The following MAML2 variants were observed in gnomAD, a reference collection of about 807,000 sequenced individuals.
MAML2 encodes mastermind like transcriptional coactivator 2, also known as mastermind-like protein 2.
MAML2 carries 22 observed loss-of-function variants against 96.1 expected under a neutral mutation model. That is an observed-to-expected ratio of 0.23 (90% CI 0.16 to 0.33). The LOEUF (loss-of-function observed/expected upper bound fraction) is 0.33. MAML2 is among the 10% of genes least tolerant of loss of function. MAML2 has a pLI of 1.00. For synonymous variants in MAML2, 561 were observed against 521.3 expected, an observed-to-expected ratio of 1.08 and a Z score of -1.04; for missense variants, 1,367 against 1,392.4, an observed-to-expected ratio of 0.98 and a Z score of 0.29.
At chr11:96,164,173 G>A (rs1274385995) in intron 1 of MAML2, among the ~76,000 whole-genome samples, 2 of 152,104 alleles carry the variant, frequency 1.3e-5, no homozygotes, top group African/African-American at 4.8e-5. Context: ...ACCGTGCCCA[G>A]CCAATACTGC....
At chr11:96,130,856 T>C (rs1246526179) in intron 1 of MAML2, among the ~76,000 whole-genome samples, 1 of 152,116 alleles carries the variant, frequency 6.6e-6, no homozygotes, top group Non-Finnish European at 1.5e-5. Context: ...TTCTACCCTT[T>C]GTCCTACACC....
chr11:96,176,373 C>T (rs373043498), intron 1 of MAML2, among the ~76,000 whole-genome samples: 90 of 152,172 alleles, frequency 5.9e-4, no homozygotes, highest in South Asian at 3.9e-3. Flanking sequence ...CTATATTATG[C>T]GATTTATATA....
At chr11:96,182,567 TTAGC>T (rs1487638671) in intron 1 of MAML2, among the ~76,000 whole-genome samples, 100 of 152,286 alleles carry the variant, frequency 6.6e-4, no homozygotes, top group African/African-American at 1.9e-3. Flanking sequence ...TCAACAAACA[TTAGC>T]TAAGCACAGA....
intron 2 of MAML2, among the ~76,000 whole-genome samples, chr11:96,004,125 T>C (rs926988559): frequency 3.9e-5 from 6 of 152,206 alleles, no homozygotes; most frequent in Non-Finnish European, 8.8e-5. Flanking sequence ...CAAAAGGATA[T>C]ACATTAGAAA....
intron 3 of MAML2, among the ~76,000 whole-genome samples, chr11:95,988,432 A>AT (rs988619229): frequency 1.0e-4 from 15 of 150,006 alleles, no homozygotes; most frequent in African/African-American, 3.7e-4. Context: ...CTAATTTTGT[A>AT]TTTTTTTAGT....
chr11:95,991,919 G>A (rs79453425), intron 2 of MAML2, among the ~76,000 whole-genome samples, 196 bp from the exon 3 acceptor site: 7,220 of 152,204 alleles, frequency 0.047, 244 homozygotes, highest in Non-Finnish European at 0.07. Flanking sequence ...AAAGCAGCTG[G>A]GTTAATGACA....
At chr11:95,985,434 A>C (rs900097662) in intron 4 of MAML2, 97 bp downstream of exon 4, 2 of 680,518 alleles carry the variant, frequency 2.9e-6, no homozygotes, top group Non-Finnish European at 4.9e-6. Context: ...TCTAAGAAAG[A>C]TATTATAATC....
At chr11:96,122,529 TGC>T (rs1491068025) in intron 1 of MAML2, among the ~76,000 whole-genome samples, 1 of 142,188 alleles carries the variant, frequency 7.0e-6, no homozygotes, top group Non-Finnish European at 1.6e-5. Context: ...TGTGTGTGTG[TGC>T]ACGTGCACGT....
chr11:96,315,221 G>GTATT (rs10687906), intron 1 of MAML2, among the ~76,000 whole-genome samples: 68,235 of 151,582 alleles, frequency 0.45, 16,026 homozygotes, highest in African/African-American at 0.61. Context: ...GTGGGGAATG[G>GTATT]TATTGAAAAA....
intron 1 of MAML2, among the ~76,000 whole-genome samples, chr11:96,188,648 T>G (rs999053516): frequency 1.3e-5 from 2 of 152,112 alleles, no homozygotes; most frequent in African/African-American, 4.8e-5. Flanking sequence ...GTCAGTTTTT[T>G]TTTTTCCTTT....
chr11:95,981,761 A>T (rs973376986), intron 4 of MAML2, among the ~76,000 whole-genome samples: 5 of 152,216 alleles, frequency 3.3e-5, no homozygotes, highest in Non-Finnish European at 5.9e-5. Context: ...CAATGCCAGT[A>T]AGATTCAGCA....
chr11:96,105,670 A>T (rs1317395577), intron 1 of MAML2, among the ~76,000 whole-genome samples: 1 of 152,218 alleles, frequency 6.6e-6, no homozygotes, highest in Non-Finnish European at 1.5e-5. Context: ...ATCTAGGCTC[A>T]ATATAAAGTG....
intron 1 of MAML2, among the ~76,000 whole-genome samples, chr11:96,148,908 C>T (rs928539980): frequency 5.3e-5 from 8 of 152,288 alleles, no homozygotes; most frequent in East Asian, 1.9e-4. Context: ...GCTAGAAAGG[C>T]GTAAAACAGG....
intron 2 of MAML2, among the ~76,000 whole-genome samples, chr11:96,085,792 A>G (rs1157569902): frequency 1.4e-5 from 2 of 147,858 alleles, no homozygotes; most frequent in Admixed American, 6.7e-5. Context: ...CGTATGTATT[A>G]TGATCCCAAG....
At chr11:96,062,433 T>C (rs1859178294) in intron 2 of MAML2, among the ~76,000 whole-genome samples, 1 of 152,210 alleles carries the variant, frequency 6.6e-6, no homozygotes, top group Admixed American at 6.5e-5. Context: ...TACATAGGCA[T>C]CCAGCTGGAA....
chr11:96,220,795 T>G (rs1246609337), intron 1 of MAML2, among the ~76,000 whole-genome samples: 1 of 152,076 alleles, frequency 6.6e-6, no homozygotes, highest in African/African-American at 2.4e-5. Context: ...CTCTACTGGA[T>G]TTTTCAAAAT....
chr11:96,283,151 A>C (rs1863094426), intron 1 of MAML2, among the ~76,000 whole-genome samples: 1 of 152,210 alleles, frequency 6.6e-6, no homozygotes, highest in Non-Finnish European at 1.5e-5. Context: ...CAAGCCATAA[A>C]CTAAAGTGAT....
chr11:96,125,565 G>A (rs1860424298), intron 1 of MAML2, among the ~76,000 whole-genome samples: 1 of 152,132 alleles, frequency 6.6e-6, no homozygotes, highest in African/African-American at 2.4e-5. Flanking sequence ...GTGTGTGCTG[G>A]GTTGGCACAC....
chr11:96,116,012 T>C (rs1474778331), intron 1 of MAML2, among the ~76,000 whole-genome samples: 1 of 152,188 alleles, frequency 6.6e-6, no homozygotes, highest in Non-Finnish European at 1.5e-5. Flanking sequence ...TCTCCAAAGC[T>C]GGTAAACTTT....
Sources: allele counts gnomAD v4.1 joint callset (sites outside exome capture counted in the v4.1 genomes callset), GRCh38; gene constraint gnomAD v4.1.1; transcripts MANE v1.5; gene names NCBI Gene and HGNC (gene_info 2026-07-23, HGNC 2026-07-21).